The following COLEC10 variants were observed in gnomAD, a reference collection of about 807,000 sequenced individuals.
COLEC10 encodes the protein collectin subfamily member 10.
COLEC10 carries 22 observed loss-of-function variants against 28.4 expected under a neutral mutation model. The observed-to-expected ratio is 0.78, with a 90% CI of 0.55 to 1.11. The LOEUF is 1.11. Ranked by LOEUF, COLEC10 falls within the 50% of genes least tolerant of loss-of-function variation. COLEC10 has a pLI of 0.00. For missense variants in COLEC10, 361 were observed against 344.1 expected, an observed-to-expected ratio of 1.05 and a Z score of -0.39; for synonymous variants, 125 against 116.1, an observed-to-expected ratio of 1.08 and a Z score of -0.49.
chr8:118,984,941 A>G, the COLEC10 span, among the ~76,000 whole-genome samples: 6 of 152,130 alleles, frequency 3.9e-5, no homozygotes, highest in African/African-American at 1.4e-4. Context: ...TAAAACCATC[A>G]TATCTCGTGA....
chr8:119,018,006 C>T (rs188048397), intron 2 of COLEC10, among the ~76,000 whole-genome samples: 1 of 152,094 alleles, frequency 6.6e-6, no homozygotes, highest in Non-Finnish European at 1.5e-5. Flanking sequence ...CCATAGCCAT[C>T]GGGAATTTTC....
intron 3 of COLEC10, among the ~76,000 whole-genome samples, chr8:119,092,045 C>G (rs1815614869): frequency 6.6e-6 from 1 of 150,610 alleles, no homozygotes; most frequent in Admixed American, 6.6e-5. Context: ...TGGATACCCA[C>G]TTGTTTTCAG....
At chr8:119,018,451 C>A (rs1587000838) in intron 2 of COLEC10, among the ~76,000 whole-genome samples, 1 of 152,182 alleles carries the variant, frequency 6.6e-6, no homozygotes, top group South Asian at 2.1e-4. Context: ...CTTTGAGATG[C>A]TTGCTTATTG....
chr8:118,972,566 C>G, the COLEC10 span, among the ~76,000 whole-genome samples: 1 of 151,932 alleles, frequency 6.6e-6, no homozygotes, highest in African/African-American at 2.4e-5. Flanking sequence ...CTCACCTCCC[C>G]CTAAAAACTA....
At chr8:119,092,723 T>C (rs1815633090) in intron 3 of COLEC10, among the ~76,000 whole-genome samples, 2 of 151,940 alleles carry the variant, frequency 1.3e-5, no homozygotes, top group African/African-American at 4.8e-5. Flanking sequence ...CTGGCCAAGA[T>C]AGCAAAACCC....
chr8:118,962,063 T>C, the COLEC10 span, among the ~76,000 whole-genome samples: 1 of 152,168 alleles, frequency 6.6e-6, no homozygotes, highest in African/African-American at 2.4e-5. Context: ...CAGTGGTGGA[T>C]GTAATTTCTG....
the COLEC10 span, among the ~76,000 whole-genome samples, chr8:118,981,053 A>C: frequency 6.6e-6 from 1 of 151,904 alleles, no homozygotes; most frequent in East Asian, 1.9e-4. Flanking sequence ...ATTTCCTAGC[A>C]GTGTTTGCCT....
At chr8:119,064,002 A>G (rs967377485), upstream of COLEC10, among the ~76,000 whole-genome samples, 2 of 152,178 alleles carry the variant, frequency 1.3e-5, no homozygotes, top group African/African-American at 4.8e-5. Flanking sequence ...TTTTAAAACC[A>G]CGTTTTAAGG....
intron 1 of COLEC10, among the ~76,000 whole-genome samples, chr8:119,001,219 T>TA (rs1813693815): frequency 6.6e-6 from 1 of 151,896 alleles, no homozygotes. Flanking sequence ...CGATAAGGAG[T>TA]AGAAGATTGA....
At chr8:119,083,491 A>G (rs1170558927) in intron 1 of COLEC10, among the ~76,000 whole-genome samples, 1 of 152,188 alleles carries the variant, frequency 6.6e-6, no homozygotes, top group Non-Finnish European at 1.5e-5. Flanking sequence ...GGAGCTGTTA[A>G]CTGAAGCCCA....
intron 2 of COLEC10, among the ~76,000 whole-genome samples, chr8:119,038,691 A>G (rs1025031845): frequency 6.6e-6 from 1 of 152,210 alleles, no homozygotes; most frequent in East Asian, 1.9e-4. Flanking sequence ...AACACCTGTG[A>G]ATCTATCACT....
At chr8:119,059,644 T>TA (rs1814819295) in intron 2 of COLEC10, among the ~76,000 whole-genome samples, 2 of 152,088 alleles carry the variant, frequency 1.3e-5, no homozygotes, top group East Asian at 1.9e-4. Context: ...CCTGTGCTGA[T>TA]AAAACTGCAA....
the COLEC10 span, among the ~76,000 whole-genome samples, chr8:118,959,014 C>G: frequency 1.4e-3 from 214 of 152,312 alleles, 1 homozygote; most frequent in African/African-American, 4.8e-3. Context: ...GAGGTAGCAG[C>G]AAACAGTGAC....
At chr8:119,033,260 T>C (rs554540192) in intron 2 of COLEC10, among the ~76,000 whole-genome samples, 1 of 151,558 alleles carries the variant, frequency 6.6e-6, no homozygotes, top group Admixed American at 6.6e-5. Flanking sequence ...TTCAGATAAT[T>C]TTTTTTTTAA....
chr8:119,103,395 G>A (rs531153464), intron 4 of COLEC10, among the ~76,000 whole-genome samples: 1 of 151,934 alleles, frequency 6.6e-6, no homozygotes, highest in Non-Finnish European at 1.5e-5. Context: ...GTCATCTATT[G>A]AATAATGCAA....
chr8:119,072,111 G>C (rs1308505973), intron 1 of COLEC10, among the ~76,000 whole-genome samples: 1 of 152,146 alleles, frequency 6.6e-6, no homozygotes, highest in Admixed American at 6.5e-5. Flanking sequence ...CCTTTCTGAC[G>C]CTTCTGAGGA....
chr8:119,058,311 A>T (rs923772302), intron 2 of COLEC10, among the ~76,000 whole-genome samples: 1 of 152,036 alleles, frequency 6.6e-6, no homozygotes, highest in African/African-American at 2.4e-5. Context: ...GTAAGTGAAG[A>T]GTTGGATTTT....
intron 1 of COLEC10, among the ~76,000 whole-genome samples, chr8:119,085,607 T>C (rs1348716202): frequency 4.6e-4 from 29 of 63,474 alleles, no homozygotes; most frequent in South Asian, 2.5e-3. Flanking sequence ...TTCTTTTTTT[T>C]TTTTTTTTTT....
the COLEC10 span, among the ~76,000 whole-genome samples, chr8:118,971,273 A>G: frequency 6.6e-6 from 1 of 151,908 alleles, no homozygotes. Flanking sequence ...CATAGACTAC[A>G]CTCTTCCTTG....
Sources: gnomAD v4.1 joint callset for allele counts (sites outside exome capture counted in the v4.1 genomes callset) on GRCh38, gnomAD v4.1.1 for gene constraint, MANE v1.5 for transcripts, NCBI Gene and HGNC (gene_info 2026-07-23, HGNC 2026-07-21) for gene names.